The following DYM variants were observed in gnomAD, a reference collection of about 807,000 sequenced individuals.
DYM encodes the protein dyggve-Melchior-Clausen syndrome protein.
A neutral mutation model predicts 93.1 loss-of-function variants in DYM; 78 were observed. The ratio of observed to expected loss-of-function variants is 0.84; its 90% CI spans 0.70 to 1.01. The LOEUF is 1.01. Ranked by LOEUF, DYM falls within the 50% of genes least tolerant of loss-of-function variation. DYM has a pLI of 0.00. For missense variants in DYM, 789 were observed against 845.0 expected, an observed-to-expected ratio of 0.93 and a Z score of 0.82; for synonymous variants, 321 against 319.7, an observed-to-expected ratio of 1.00 and a Z score of -0.04.
At chr18:49,108,372 G>A (rs1047653689) in intron 16 of DYM, among the ~76,000 whole-genome samples, 2 of 152,192 alleles carry the variant, frequency 1.3e-5, no homozygotes, top group South Asian at 2.1e-4. Context: ...GCAATGCCTC[G>A]CCCTGCTTCG....
intron 6 of DYM, among the ~76,000 whole-genome samples, chr18:49,354,885 T>G (rs2065409500): frequency 6.6e-6 from 1 of 152,156 alleles, no homozygotes; most frequent in Non-Finnish European, 1.5e-5. Context: ...CTTACAAAAT[T>G]AAACATACTT....
chr18:49,308,876 T>C (rs2061425252), intron 8 of DYM, among the ~76,000 whole-genome samples: 1 of 152,134 alleles, frequency 6.6e-6, no homozygotes. Flanking sequence ...ATTAAAGTGT[T>C]ATCTGGAATG....
intron 8 of DYM, among the ~76,000 whole-genome samples, chr18:49,298,276 T>C (rs955585500): frequency 1.3e-5 from 2 of 152,172 alleles, no homozygotes; most frequent in African/African-American, 4.8e-5. Context: ...TCCACCTTTG[T>C]AGTTTCAAAT....
rs2089665290 is a variant in DYM at position 49,179,057 on chromosome 18, T to TC, written c.1626-15271dup. Among the ~76,000 whole-genome samples the TC allele has an allele frequency of 8.5e-5, 13 of 152,122 alleles. No homozygotes were observed. In the South Asian group the frequency reaches 2.7e-3, roughly 32 times the overall value. On this transcript the variant is annotated intron_variant, in intron 14 of 17. Coordinates refer to ENST00000675505, the MANE Select transcript of DYM (RefSeq NM_001353214.3). ...TGGGATCTTCACAATGTAATCCAGCTCCCTTCTTTGAGTGTTGATGAAAAA... is the reference window on the plus strand; with the variant it reads ...TGGGATCTTCACAATGTAATCCAGCTCCCCTTCTTTGAGTGTTGATGAAAAA...
chr18:49,094,359 G>C (rs1255191993), intron 17 of DYM, among the ~76,000 whole-genome samples: 1 of 152,180 alleles, frequency 6.6e-6, no homozygotes, highest in Non-Finnish European at 1.5e-5. Flanking sequence ...AGAGCTTTGA[G>C]CTGCGGCTTC....
chr18:49,438,809 G>A (rs2081076650), intron 1 of DYM, among the ~76,000 whole-genome samples: 1 of 152,136 alleles, frequency 6.6e-6, no homozygotes, highest in South Asian at 2.1e-4. Context: ...CCCACAAAAA[G>A]CAAAGTAGAA....
At chr18:49,081,519 AGGGAGAGGGGAGAGGGGAGAG>A (rs55920237) in intron 17 of DYM, among the ~76,000 whole-genome samples, 24,192 of 124,168 alleles carry the variant, frequency 0.19, 2,861 homozygotes, top group East Asian at 0.38. Flanking sequence ...GGAGACCGAG[AGGGAGAGGGGAGAGGGGAGAG>A]GGGAGAGGGG....
chr18:49,423,928 C>T (rs934973773), intron 2 of DYM, among the ~76,000 whole-genome samples: 2 of 152,134 alleles, frequency 1.3e-5, no homozygotes, highest in Non-Finnish European at 2.9e-5. Flanking sequence ...CAAAAAAAGT[C>T]CAGGACCAGA....
At chr18:49,285,771 T>C (rs1313379061) in intron 9 of DYM, among the ~76,000 whole-genome samples, 1 of 152,258 alleles carries the variant, frequency 6.6e-6, no homozygotes, top group East Asian at 1.9e-4. Context: ...TTTTAGAATG[T>C]AACCTTTTGA....
At chr18:49,289,404 T>TAAAAAAAAAAAAAAAAAAAAAAAAAAAA (rs56240607) in intron 8 of DYM, among the ~76,000 whole-genome samples, 1 of 33,508 alleles carries the variant, frequency 3.0e-5, no homozygotes, top group African/African-American at 1.2e-4. Context: ...TACAAATCAG[T>TAAAAAAAAAAAAAAAAAAAAAAAAAAAA]AAAAAAAAAA....
chr18:49,330,822 G>A (rs1279152696), intron 8 of DYM, among the ~76,000 whole-genome samples: 1 of 152,170 alleles, frequency 6.6e-6, no homozygotes, highest in African/African-American at 2.4e-5. Flanking sequence ...ATGCAGGTGT[G>A]GCACTCTTGG....
chr18:49,156,667 G>C (rs2086481801), intron 15 of DYM, among the ~76,000 whole-genome samples: 1 of 150,918 alleles, frequency 6.6e-6, no homozygotes, highest in Non-Finnish European at 1.5e-5. Flanking sequence ...AGGAGGCAGA[G>C]GCTGCAGTGA....
At chr18:49,422,189 A>G (rs370519526) in intron 2 of DYM, among the ~76,000 whole-genome samples, 14 of 152,300 alleles carry the variant, frequency 9.2e-5, no homozygotes, top group East Asian at 3.9e-4. Context: ...AAGCAACTCC[A>G]AGACACATAA....
At chr18:49,229,382 T>C (rs1313029079) in intron 13 of DYM, among the ~76,000 whole-genome samples, 5 of 152,084 alleles carry the variant, frequency 3.3e-5, no homozygotes, top group African/African-American at 7.2e-5. Flanking sequence ...TGCAAAGTAC[T>C]TGTATCCAAA....
At chr18:49,239,880 T>A (rs2093971012) in intron 13 of DYM, among the ~76,000 whole-genome samples, 1 of 152,168 alleles carries the variant, frequency 6.6e-6, no homozygotes, top group Admixed American at 6.5e-5. Context: ...TACACAGAAA[T>A]AGACAACAGC....
At chr18:49,416,362 A>G (rs1196751900) in intron 2 of DYM, among the ~76,000 whole-genome samples, 1 of 152,194 alleles carries the variant, frequency 6.6e-6, no homozygotes, top group Non-Finnish European at 1.5e-5. Context: ...TGGCTCCAAA[A>G]TCCATGTTCC....
At chr18:49,141,982 T>C (rs2084550254) in intron 15 of DYM, among the ~76,000 whole-genome samples, 1 of 151,676 alleles carries the variant, frequency 6.6e-6, no homozygotes, top group Non-Finnish European at 1.5e-5. Flanking sequence ...GCCTCCTGAG[T>C]AGCTGGGACT....
chr18:49,376,734 A>G (rs1006604159), intron 5 of DYM, among the ~76,000 whole-genome samples: 2 of 152,240 alleles, frequency 1.3e-5, no homozygotes, highest in African/African-American at 2.4e-5. Context: ...CCAAATGGCT[A>G]TCAAGGTGGC....
intron 13 of DYM, among the ~76,000 whole-genome samples, chr18:49,223,071 T>C (rs2144137691): frequency 6.6e-6 from 1 of 152,248 alleles, no homozygotes; most frequent in South Asian, 2.1e-4. Flanking sequence ...AAATTCCATC[T>C]AAATGATCTA....
Sources: allele counts gnomAD v4.1 joint callset (sites outside exome capture counted in the v4.1 genomes callset), GRCh38; gene constraint gnomAD v4.1.1; transcripts MANE v1.5; gene names NCBI Gene and HGNC (gene_info 2026-07-23, HGNC 2026-07-21).